The following CHIC2 variants were observed in gnomAD, a reference collection of about 807,000 sequenced individuals.
CHIC2 encodes the protein cysteine-rich hydrophobic domain-containing protein 2.
CHIC2 carries 14 observed loss-of-function variants against 25.9 expected under a neutral mutation model. The ratio of observed to expected loss-of-function variants is 0.54; its 90% CI spans 0.36 to 0.85. CHIC2 has a LOEUF of 0.85. Among genes scored for constraint, CHIC2 ranks in the 40% least tolerant of loss-of-function variants. The pLI, the probability that CHIC2 is intolerant of heterozygous loss-of-function variation, is 0.01. For missense variants in CHIC2, 146 were observed against 202.0 expected, an observed-to-expected ratio of 0.72 and a Z score of 1.68; for synonymous variants, 70 against 72.0, an observed-to-expected ratio of 0.97 and a Z score of 0.14.
chr4:54,029,570 G>A (rs960253513), intron 3 of CHIC2, among the ~76,000 whole-genome samples: 49 of 152,190 alleles, frequency 3.2e-4, no homozygotes, highest in Middle Eastern at 3.4e-3. Flanking sequence ...AATTACTTTG[G>A]ATTCTCACTT....
chr4:54,056,949 C>T (rs1717195823), intron 1 of CHIC2, among the ~76,000 whole-genome samples: 1 of 152,176 alleles, frequency 6.6e-6, no homozygotes, highest in Admixed American at 6.5e-5. Context: ...CTACTTCTGG[C>T]ATGTGCTATT....
intron 5 of CHIC2, among the ~76,000 whole-genome samples, chr4:54,012,394 T>A (rs535649028): frequency 6.2e-4 from 95 of 152,306 alleles, no homozygotes; most frequent in African/African-American, 2.2e-3. Flanking sequence ...AAGCATATAG[T>A]TCAGAATGTT....
intron 3 of CHIC2, among the ~76,000 whole-genome samples, chr4:54,024,319 T>C (rs1432315790): frequency 3.9e-5 from 6 of 152,146 alleles, no homozygotes; most frequent in African/African-American, 1.4e-4. Flanking sequence ...TCCACCACTC[T>C]TGCCTCCCTC....
chr4:54,065,428 C>CA (rs955311824), upstream of CHIC2: 7 of 496,140 alleles, frequency 1.4e-5, no homozygotes, highest in Admixed American at 6.4e-5. Flanking sequence ...GTTCCTACCA[C>CA]AAAAAAGACC....
chr4:54,010,003 G>T lies in CHIC2; in HGVS notation c.*92C>A. On this transcript the variant is annotated 3_prime_UTR_variant, in exon 6 of 6. Coordinates refer to ENST00000263921, the MANE Select transcript of CHIC2 (RefSeq NM_012110.4). ...AAAAAAAACACCACACGATTCTGTA[G>T]AACCAATGTTATGTCACCACCAGGA... 9 of 734,708 alleles carry T rather than the reference G, an allele frequency of 1.2e-5. No homozygotes were observed. The highest frequency in any genetic ancestry group is 1.9e-5 in the South Asian group (1 of 52,098). 45.5% of individuals were successfully genotyped at this position (734,708 alleles called of 1,614,324 possible).
upstream of CHIC2, among the ~76,000 whole-genome samples, chr4:54,068,649 A>C (rs1392680084): frequency 2.0e-5 from 3 of 152,204 alleles, no homozygotes; most frequent in Non-Finnish European, 2.9e-5. Flanking sequence ...TAACAACAAC[A>C]ACCAACACAG....
intron 3 of CHIC2, among the ~76,000 whole-genome samples, chr4:54,046,245 A>G: frequency 6.6e-6 from 1 of 152,228 alleles, no homozygotes; most frequent in East Asian, 1.9e-4. Context: ...TTATAGATTC[A>G]ATGCCATCCC....
intron 3 of CHIC2, among the ~76,000 whole-genome samples, chr4:54,038,729 A>G (rs1716469606): frequency 6.6e-6 from 1 of 152,168 alleles, no homozygotes; most frequent in African/African-American, 2.4e-5. Flanking sequence ...ACTTACTATA[A>G]AGCTACAGTA....
At chr4:54,053,484 G>A (rs1394466155) in intron 1 of CHIC2, among the ~76,000 whole-genome samples, 1 of 150,934 alleles carries the variant, frequency 6.6e-6, no homozygotes, top group Non-Finnish European at 1.5e-5. Flanking sequence ...GGAACCCGGA[G>A]GCGGAGGTTG....
upstream of CHIC2, among the ~76,000 whole-genome samples, chr4:54,064,898 G>C (rs900391776): frequency 3.3e-5 from 5 of 152,184 alleles, no homozygotes; most frequent in African/African-American, 1.2e-4. This position sits in a 1 kb window ranked among gnomAD's most constrained non-coding sequence, Gnocchi z 4.2. Flanking sequence ...GCCGCGACCC[G>C]CGACTCCGAC....
chr4:54,064,345 G>A lies in CHIC2; in HGVS notation c.-45C>T, dbSNP rs758803685. 6.2e-6 allele frequency: 10 copies of A among 1,609,788 alleles called. No homozygotes were observed. In the Admixed American group the frequency reaches 1.2e-4, roughly 19 times the overall value. On this transcript the variant is annotated 5_prime_UTR_variant, in exon 1 of 6. Coordinates refer to ENST00000263921, the MANE Select transcript of CHIC2 (RefSeq NM_012110.4). The surrounding 1 kb of genome is among the most constrained non-coding windows in gnomAD (Gnocchi z 4.2). ...CTGCCCAAAGGGCCTGACTCCCGGGGTTGGCGCCGGGGTACCGGCGGGCGA... is the reference window on the plus strand; with the variant it reads ...CTGCCCAAAGGGCCTGACTCCCGGGATTGGCGCCGGGGTACCGGCGGGCGA...
chr4:54,030,666 A>T (rs1196537495), intron 3 of CHIC2, among the ~76,000 whole-genome samples: 5 of 134,686 alleles, frequency 3.7e-5, no homozygotes, highest in South Asian at 2.3e-4. Context: ...TAAAATGCTA[A>T]TTTTTTTTTT....
chr4:54,075,784 C>T, the CHIC2 span, among the ~76,000 whole-genome samples: 2 of 152,116 alleles, frequency 1.3e-5, no homozygotes, highest in South Asian at 2.1e-4. Flanking sequence ...GAACTCCTGA[C>T]CTCAAGGCCC....
intron 1 of CHIC2, among the ~76,000 whole-genome samples, chr4:54,050,568 C>T (rs934920490): frequency 1.3e-5 from 2 of 152,060 alleles, no homozygotes; most frequent in African/African-American, 2.4e-5. Context: ...CACATAACAA[C>T]GTTTCAGTCA....
chr4:54,080,329 A>G, the CHIC2 span, among the ~76,000 whole-genome samples: 25 of 152,142 alleles, frequency 1.6e-4, no homozygotes, highest in East Asian at 4.4e-3. Flanking sequence ...TATAGGTGGA[A>G]TCTAAAAAAA....
chr4:54,028,633 C>T (rs1716130344), intron 3 of CHIC2, among the ~76,000 whole-genome samples: 2 of 152,146 alleles, frequency 1.3e-5, no homozygotes, highest in African/African-American at 4.8e-5. Flanking sequence ...ATGTAATGTG[C>T]CTTGCTAATA....
At chr4:54,080,249 G>A in the CHIC2 span, among the ~76,000 whole-genome samples, 1 of 150,904 alleles carries the variant, frequency 6.6e-6, no homozygotes, top group African/African-American at 2.4e-5. Context: ...TCTACCATTT[G>A]TGACAATGAG....
chr4:54,084,715 A>G, the CHIC2 span, among the ~76,000 whole-genome samples: 3 of 152,076 alleles, frequency 2.0e-5, no homozygotes, highest in East Asian at 5.8e-4. Context: ...CAGGGCAGAC[A>G]GGTCACTTGA....
In CHIC2 at chr4:54,031,821, T is replaced by C. The variant is rs1716237122; in HGVS notation, c.330+17134A>G. ...TTTTAGTAGAGACGGGGTTTCACCA[T>C]GTTGGCCAGGCTGGTCTTGAACGCC... On this transcript the variant is annotated intron_variant, in intron 3 of 5. Transcript: ENST00000263921. Among the ~76,000 whole-genome samples the C allele has an allele frequency of 2.0e-5, 3 of 152,208 alleles. No homozygotes were observed. In the South Asian group the frequency reaches 6.2e-4, roughly 32 times the overall value.
Sources: allele counts gnomAD v4.1 joint callset (sites outside exome capture counted in the v4.1 genomes callset), GRCh38; gene constraint gnomAD v4.1.1; non-coding constraint Gnocchi (gnomAD v3.1); transcripts MANE v1.5; gene names NCBI Gene and HGNC (gene_info 2026-07-23, HGNC 2026-07-21).